The following ZNF827 variants were observed in gnomAD, a reference collection of about 807,000 sequenced individuals.
ZNF827 encodes zinc finger protein 827.
A neutral mutation model predicts 102.4 loss-of-function variants in ZNF827; 13 were observed. The ratio of observed to expected loss-of-function variants is 0.13; its 90% CI spans 0.08 to 0.20. The LOEUF is 0.20. Ranked by LOEUF, ZNF827 falls within the 10% of genes least tolerant of loss-of-function variation. ZNF827 has a pLI of 1.00. For synonymous variants in ZNF827, 523 were observed against 536.2 expected (o/e 0.98, Z 0.34); for missense variants, 1,103 against 1,344.4 (o/e 0.82, Z 2.81).
intron 7 of ZNF827, among the ~76,000 whole-genome samples, chr4:145,838,900 T>C (rs1745146772): frequency 6.6e-6 from 1 of 152,212 alleles, no homozygotes; most frequent in Non-Finnish European, 1.5e-5. Flanking sequence ...TATCTTTTAC[T>C]TTTGAAAAGA....
intron 11 of ZNF827, among the ~76,000 whole-genome samples, chr4:145,770,551 G>A (rs1364749689): frequency 6.6e-6 from 1 of 151,246 alleles, no homozygotes; most frequent in African/African-American, 2.4e-5. Flanking sequence ...ATCATGGTAA[G>A]CATTATAGAA....
At chr4:145,884,400 A>G (rs1749933064) in intron 4 of ZNF827, among the ~76,000 whole-genome samples, 1 of 152,184 alleles carries the variant, frequency 6.6e-6, no homozygotes, top group African/African-American at 2.4e-5. Context: ...AATGCGACTC[A>G]CATTCCATTT....
intron 3 of ZNF827, among the ~76,000 whole-genome samples, chr4:145,891,865 G>T (rs1750632570): frequency 6.6e-6 from 1 of 152,230 alleles, no homozygotes; most frequent in Middle Eastern, 3.4e-3. Flanking sequence ...CCTCTCTTTG[G>T]TGCTCAGTCC....
intron 5 of ZNF827, among the ~76,000 whole-genome samples, chr4:145,862,688 C>T (rs1031812146): frequency 1.3e-5 from 2 of 152,104 alleles, no homozygotes; most frequent in Non-Finnish European, 2.9e-5. Flanking sequence ...ACAGCAAATA[C>T]GGGAGTCAGA....
At chr4:145,929,649 T>C (rs954669643) in intron 1 of ZNF827, among the ~76,000 whole-genome samples, 121 of 151,898 alleles carry the variant, frequency 8.0e-4, no homozygotes, top group African/African-American at 2.6e-3. Flanking sequence ...TGAGATATAT[T>C]GAGAAAAAAA....
intron 5 of ZNF827, among the ~76,000 whole-genome samples, chr4:145,863,864 TTGAA>T (rs1457280058): frequency 6.6e-6 from 1 of 152,148 alleles, no homozygotes; most frequent in Non-Finnish European, 1.5e-5. Flanking sequence ...ATTGTGTACT[TTGAA>T]TGGGTAAATT....
At chr4:145,831,812 T>C (rs1744234716) in intron 7 of ZNF827, 1 of 152,190 alleles carries the variant, frequency 6.6e-6, no homozygotes, top group African/African-American at 2.4e-5. Flanking sequence ...TGTGGCAAAA[T>C]GTTGATACTT....
intron 7 of ZNF827, among the ~76,000 whole-genome samples, chr4:145,833,436 CGCCT>C (rs766632522): frequency 6.6e-5 from 10 of 152,154 alleles, no homozygotes; most frequent in Non-Finnish European, 1.5e-4. Context: ...CACGCAGGGA[CGCCT>C]GCCTTAGTCC....
intron 8 of ZNF827, among the ~76,000 whole-genome samples, chr4:145,802,118 T>TTTAGTTAGAACTA (rs1740969957): frequency 6.6e-6 from 1 of 152,240 alleles, no homozygotes; most frequent in Non-Finnish European, 1.5e-5. Flanking sequence ...TTTCAGATAC[T>TTTAGTTAGAACTA]AAGAGCTCTA....
Position 145,885,791 on chromosome 4 carries a change from G to A in ZNF827, c.1634C>T (p.Ala545Val). Residue 545 changes from alanine to valine, a missense_variant, in exon 4 of 15, where the codon GCC (alanine) becomes GTC (valine). Around this residue, in one of 5 missense-constraint regions of ZNF827, gnomAD observed 157 missense variants for 211.7 expected, o/e 0.74. Transcript: ENST00000508784. The stretch of plus-strand genomic sequence containing the variant: ...GGGGTCTTTCAGCTTTGTGTGGTTG[G>A]CGGGCCTGTCGGCAGCATTCAAAGT... ...SFTLNAADRP[A>V]NHTKLKDPSE... is the part of the protein sequence containing the mutation. 1 of 1,612,604 alleles carries A rather than the reference G, an allele frequency of 6.2e-7. No homozygotes were observed. Among genetic ancestry groups the A allele is most frequent in the Non-Finnish European group, 8.5e-7 (1 of 1,179,292 alleles).
At chr4:145,802,577 G>C (rs1283617881) in intron 8 of ZNF827, among the ~76,000 whole-genome samples, 1 of 152,218 alleles carries the variant, frequency 6.6e-6, no homozygotes, top group Non-Finnish European at 1.5e-5. Flanking sequence ...TTTCTTACTA[G>C]CTAGCCCAGT....
At chr4:145,841,367 A>C (rs566162669) in intron 7 of ZNF827, among the ~76,000 whole-genome samples, 2 of 152,214 alleles carry the variant, frequency 1.3e-5, no homozygotes, top group South Asian at 4.1e-4. Context: ...AGATCTGATT[A>C]TGATATCATG....
chr4:145,862,314 T>A (rs1747806089), intron 5 of ZNF827, among the ~76,000 whole-genome samples: 1 of 152,228 alleles, frequency 6.6e-6, no homozygotes. Context: ...TACTGCTGTC[T>A]AGCCTCTGAG....
At chr4:145,870,608 A>G (rs1035254219) in intron 4 of ZNF827, 130 bp from the exon 5 acceptor site, 11 of 789,108 alleles carry the variant, frequency 1.4e-5, no homozygotes, top group African/African-American at 8.7e-5. Flanking sequence ...CAACCTCATC[A>G]GAACAGGCTG....
intron 3 of ZNF827, among the ~76,000 whole-genome samples, chr4:145,889,975 T>C (rs1750464467): frequency 6.8e-6 from 1 of 146,916 alleles, no homozygotes; most frequent in Non-Finnish European, 1.5e-5. Context: ...AGACTCCGTC[T>C]CAAAAATTAA....
chr4:145,899,378 T>C (rs1253483155), intron 2 of ZNF827, among the ~76,000 whole-genome samples: 1 of 152,154 alleles, frequency 6.6e-6, no homozygotes, highest in Non-Finnish European at 1.5e-5. Flanking sequence ...CCACCTTTCC[T>C]TCCACTCCTC....
intron 5 of ZNF827, among the ~76,000 whole-genome samples, chr4:145,865,925 T>G (rs1224117247): frequency 6.6e-6 from 1 of 152,180 alleles, no homozygotes; most frequent in Non-Finnish European, 1.5e-5. Flanking sequence ...AGGACTGGGA[T>G]AAAGACATTT....
intron 8 of ZNF827, among the ~76,000 whole-genome samples, chr4:145,786,800 C>T (rs895239763): frequency 2.0e-5 from 3 of 152,138 alleles, no homozygotes; most frequent in Non-Finnish European, 4.4e-5. Context: ...GCTTGCAGCT[C>T]GTCTGTATCC....
chr4:145,843,743 A>C (rs1373808980), intron 7 of ZNF827, among the ~76,000 whole-genome samples: 3 of 152,204 alleles, frequency 2.0e-5, no homozygotes, highest in Admixed American at 6.5e-5. Flanking sequence ...TGATAACTAT[A>C]AGTGAGAACC....
Sources: allele counts gnomAD v4.1 joint callset (sites outside exome capture counted in the v4.1 genomes callset), GRCh38; gene constraint gnomAD v4.1.1; regional missense constraint gnomAD v4.1.1; transcripts MANE v1.5; gene names NCBI Gene and HGNC (gene_info 2026-07-23, HGNC 2026-07-21).